RSBN1L: variants seen among roughly 807,000 people sequenced by gnomAD.
RSBN1L encodes the protein lysine-specific demethylase RSBN1L.
In RSBN1L, 30 loss-of-function variants were observed where a neutral mutation model predicts 67.7. The ratio of observed to expected loss-of-function variants is 0.44; its 90% confidence interval spans 0.33 to 0.60. RSBN1L has a LOEUF of 0.60. Among genes scored for constraint, RSBN1L ranks in the 20% least tolerant of loss-of-function variants. The probability of loss-of-function intolerance (pLI) is 0.02; values close to 1 mark genes in which losing one functional copy is unlikely to be tolerated. For synonymous variants in RSBN1L, 433 were observed against 387.0 expected (o/e 1.12, Z -1.39); for missense variants, 992 against 1,031.7 (o/e 0.96, Z 0.53).
intron 1 of RSBN1L, 66 bp downstream of exon 1, chr7:77,697,121 G>A: frequency 7.7e-7 from 1 of 1,307,150 alleles, no homozygotes; most frequent in South Asian, 2.3e-5. Flanking sequence ...TGGCGCCCAC[G>A]GGGCCCGGGA....
intron 1 of RSBN1L, among the ~76,000 whole-genome samples, chr7:77,723,878 G>T (rs1225651256): frequency 6.6e-6 from 1 of 152,062 alleles, no homozygotes; most frequent in Non-Finnish European, 1.5e-5. Flanking sequence ...AGGTTGCAGG[G>T]AGCTGAGATC....
intron 1 of RSBN1L, among the ~76,000 whole-genome samples, chr7:77,714,958 C>CAAA (rs35501995): frequency 1.4e-4 from 13 of 91,490 alleles, no homozygotes; most frequent in Non-Finnish European, 2.6e-4. Context: ...GACTCCATCT[C>CAAA]AAAAAAAAAA....
intron 7 of RSBN1L, 39 bp from the exon 8 acceptor site, chr7:77,778,491 A>G: frequency 1.3e-6 from 2 of 1,596,736 alleles, no homozygotes; most frequent in Non-Finnish European, 1.7e-6. Context: ...TTTTATTATG[A>G]AGAGAGTTAT....
chr7:77,734,606 A>C (rs1046629047), intron 1 of RSBN1L, among the ~76,000 whole-genome samples: 6 of 151,908 alleles, frequency 3.9e-5, no homozygotes, highest in African/African-American at 1.5e-4. Context: ...CTTCTACCTC[A>C]GTCTCCCAAG....
chr7:77,716,469 T>C lies in RSBN1L; in HGVS notation c.586+19414T>C, dbSNP rs13238476. Among the ~76,000 whole-genome samples, 837 of 150,858 alleles carry C rather than the reference T, an allele frequency of 5.5e-3. 7 individuals carry two copies. Among genetic ancestry groups the C allele is most frequent in the Non-Finnish European group, 9.5e-3 (646 of 67,708 alleles). On this transcript the variant is annotated intron_variant, in intron 1 of 7. Coordinates refer to ENST00000334955, the MANE Select transcript of RSBN1L (RefSeq NM_198467.3). ...GCTGTCTGGCTCCTTTTTTTTTTTT[T>C]CACCATTTTTATTAACTTGAGAATT...
At chr7:77,758,748 A>G (rs1035647185) in intron 3 of RSBN1L, among the ~76,000 whole-genome samples, 14 of 152,196 alleles carry the variant, frequency 9.2e-5, no homozygotes, top group East Asian at 1.9e-4. Flanking sequence ...ATTTCATTCA[A>G]ATATTCACTC....
At chr7:77,778,127 G>A (rs753248195) in intron 6 of RSBN1L, among the ~76,000 whole-genome samples, 18 of 152,074 alleles carry the variant, frequency 1.2e-4, no homozygotes, top group Non-Finnish European at 4.4e-5. Context: ...ATATAAAAAC[G>A]AAGTCAGTTT....
intron 1 of RSBN1L, among the ~76,000 whole-genome samples, chr7:77,697,736 A>G (rs1490622506): frequency 6.6e-6 from 1 of 152,208 alleles, no homozygotes; most frequent in South Asian, 2.1e-4. Flanking sequence ...GCAGCAAATG[A>G]TAAAACCAGG....
Position 77,779,209 on chromosome 7 carries a change from A to C in RSBN1L, c.*41A>C. On this transcript the variant is annotated 3_prime_UTR_variant, in exon 8 of 8. Coordinates refer to ENST00000334955, the MANE Select transcript of RSBN1L (RefSeq NM_198467.3). ...CTAAAATCCTTTTTTAAAAAAATTT[A>C]ATGTAATAAAGATTCATGAATTCTG... 7.3e-7 allele frequency: 1 copy of C among 1,374,524 alleles called. No homozygotes were observed. Among genetic ancestry groups the C allele is most frequent in the East Asian group, 2.4e-5 (1 of 42,316 alleles). The allele number at this position is 1,374,524 out of a possible 1,614,324, so 85.1% of individuals were successfully genotyped here. A position where few individuals can be genotyped will look rare whatever the true frequency, so the allele number is the denominator to read the frequency against.
rs555371727 is a variant in RSBN1L, at chr7:77,736,850, A to G, written c.703+324A>G. ...GATAATCTAAAAGGAAGAAATTAAGAAAAATTGCCAAAGCAAGTTTTAGTA... is the reference window on the plus strand; with the variant it reads ...GATAATCTAAAAGGAAGAAATTAAGGAAAATTGCCAAAGCAAGTTTTAGTA... On this transcript the variant is annotated intron_variant, in intron 2 of 7. Transcript: ENST00000334955. Among the ~76,000 whole-genome samples, 673 of 152,346 alleles carry G rather than the reference A, an allele frequency of 4.4e-3. 2 individuals carry two copies. Among genetic ancestry groups the G allele is most frequent in the Non-Finnish European group, 7.7e-3 (527 of 68,020 alleles).
chr7:77,766,275 C>G (rs954097677), intron 4 of RSBN1L, among the ~76,000 whole-genome samples: 5 of 152,182 alleles, frequency 3.3e-5, no homozygotes, highest in African/African-American at 1.2e-4. Context: ...CCCTGACCTC[C>G]GTGGGCTTGG....
chr7:77,768,559 G>A (rs1791804650), intron 4 of RSBN1L, 102 bp from the exon 5 acceptor site: 1 of 950,392 alleles, frequency 1.1e-6, no homozygotes, highest in Admixed American at 2.2e-5. Context: ...GTATAAAGCT[G>A]TGTATGAAAG....
intron 1 of RSBN1L, among the ~76,000 whole-genome samples, chr7:77,719,171 G>A (rs1791084557): frequency 6.6e-6 from 1 of 152,110 alleles, no homozygotes; most frequent in African/African-American, 2.4e-5. Context: ...ATGTATGTGT[G>A]TTTTGGAAAA....
intron 1 of RSBN1L, among the ~76,000 whole-genome samples, chr7:77,700,471 G>T (rs558138716): frequency 6.6e-6 from 1 of 152,288 alleles, no homozygotes; most frequent in Admixed American, 6.5e-5. Flanking sequence ...AAGTGTAGTT[G>T]CAGGATTTAA....
At chr7:77,703,057 C>T (rs1456071391) in intron 1 of RSBN1L, among the ~76,000 whole-genome samples, 4 of 152,128 alleles carry the variant, frequency 2.6e-5, no homozygotes, top group Non-Finnish European at 5.9e-5. Flanking sequence ...GTTTGTATGA[C>T]AGGGTTCTAG....
intron 3 of RSBN1L, among the ~76,000 whole-genome samples, chr7:77,758,784 T>C (rs1449025073): frequency 6.6e-6 from 1 of 152,224 alleles, no homozygotes; most frequent in East Asian, 1.9e-4. Flanking sequence ...TCCTGTGTTC[T>C]ACCGTAGGGA....
intron 5 of RSBN1L, among the ~76,000 whole-genome samples, chr7:77,771,814 C>A (rs906208251): frequency 1.4e-5 from 2 of 139,938 alleles, no homozygotes; most frequent in Admixed American, 7.2e-5. Flanking sequence ...CCGGCCTCCT[C>A]AGTGATTCTT....
intron 5 of RSBN1L, among the ~76,000 whole-genome samples, chr7:77,769,590 A>C (rs1275323194): frequency 1.3e-5 from 2 of 152,198 alleles, no homozygotes; most frequent in Non-Finnish European, 2.9e-5. Context: ...ATGCAGTGGC[A>C]ATAGTATTTG....
intron 3 of RSBN1L, among the ~76,000 whole-genome samples, chr7:77,761,537 T>C (rs918884110): frequency 6.6e-6 from 1 of 152,224 alleles, no homozygotes; most frequent in Non-Finnish European, 1.5e-5. Context: ...ATTTGGTATA[T>C]AGTTTTGCAA....
Sources: gnomAD v4.1 joint callset for allele counts (sites outside exome capture counted in the v4.1 genomes callset) on GRCh38, gnomAD v4.1.1 for gene constraint, MANE v1.5 for transcripts, NCBI Gene and HGNC (gene_info 2026-07-23, HGNC 2026-07-21) for gene names.